The following COL23A1 variants were observed in gnomAD, a reference collection of about 807,000 sequenced individuals.
COL23A1 encodes collagen alpha-1(XXIII) chain.
COL23A1 carries 97 observed loss-of-function variants against 99.3 expected under a neutral mutation model. The ratio of observed to expected loss-of-function variants is 0.98; its 90% CI spans 0.83 to 1.16. The LOEUF is 1.16. COL23A1 is among the 50% of genes most tolerant of loss of function. COL23A1 has a pLI of 0.00. For missense variants in COL23A1, 762 were observed against 757.4 expected (o/e 1.01, Z -0.07); for synonymous variants, 320 against 308.2 (o/e 1.04, Z -0.40).
intron 2 of COL23A1, among the ~76,000 whole-genome samples, chr5:178,470,536 T>C (rs1458795902): frequency 2.0e-5 from 3 of 151,752 alleles, no homozygotes; most frequent in South Asian, 4.2e-4. Context: ...GCAGGAAGAC[T>C]GGGAAGGTCT....
chr5:178,454,463 G>A (rs1275974149), intron 2 of COL23A1, among the ~76,000 whole-genome samples: 2 of 152,184 alleles, frequency 1.3e-5, no homozygotes, highest in African/African-American at 4.8e-5. Context: ...GGTGATGCCA[G>A]GTGGGTGGGG....
At chr5:178,241,563 G>A (rs931585501) in intron 27 of COL23A1, among the ~76,000 whole-genome samples, 3 of 152,320 alleles carry the variant, frequency 2.0e-5, no homozygotes, top group Non-Finnish European at 2.9e-5. Context: ...AGACCACAGC[G>A]ATGGGGCTGG....
At chr5:178,512,914 C>G (rs948467599) in intron 2 of COL23A1, among the ~76,000 whole-genome samples, 9 of 152,150 alleles carry the variant, frequency 5.9e-5, no homozygotes, top group Non-Finnish European at 1.0e-4. Context: ...AGGGAAGTAC[C>G]CAGGGTCATG....
intron 2 of COL23A1, among the ~76,000 whole-genome samples, chr5:178,323,544 G>T (rs1759465524): frequency 6.6e-6 from 1 of 152,114 alleles, no homozygotes; most frequent in South Asian, 2.1e-4. Context: ...GGTCCTTCCT[G>T]GGGAGAGGCT....
At chr5:178,497,133 GCTAC>G (rs1255373571) in intron 2 of COL23A1, among the ~76,000 whole-genome samples, 1 of 152,120 alleles carries the variant, frequency 6.6e-6, no homozygotes, top group Non-Finnish European at 1.5e-5. Context: ...AGTCAGTACT[GCTAC>G]CAAAAGAAGC....
At chr5:178,541,175 C>T (rs1367394554) in intron 2 of COL23A1, among the ~76,000 whole-genome samples, 2 of 152,132 alleles carry the variant, frequency 1.3e-5, no homozygotes, top group Admixed American at 6.5e-5. Context: ...GATCCAAAAA[C>T]AGACCTACAA....
chr5:178,304,176 G>A (rs1056802880), intron 3 of COL23A1, among the ~76,000 whole-genome samples: 1 of 152,156 alleles, frequency 6.6e-6, no homozygotes, highest in Non-Finnish European at 1.5e-5. Flanking sequence ...AGCGGCCTCA[G>A]GGAGGAATCC....
chr5:178,308,816 G>C lies in COL23A1; in HGVS notation c.362-1897C>G, dbSNP rs1462488634. ...ACTAAGCCCCAGGTTTGGGGGGCAG[G>C]TCAGCACTCTCGGGGGGGGCTTTCC... On this transcript the variant is annotated intron_variant, in intron 2 of 28. Coordinates refer to ENST00000390654, the MANE Select transcript of COL23A1 (RefSeq NM_173465.4). The surrounding 1 kb of genome is among the most constrained non-coding windows in gnomAD (Gnocchi z 5.1). 8.6e-6 allele frequency among the ~76,000 whole-genome samples: 1 copy of C among 116,740 alleles called. No homozygotes were observed. The highest frequency in any genetic ancestry group is 3.3e-5 in the African/African-American group (1 of 30,728). The allele number at this position is 116,740 out of a possible 152,430, so 76.6% of individuals were successfully genotyped here.
Position 178,321,190 on chromosome 5 carries a change from C to T in COL23A1, c.362-14271G>A, listed in dbSNP as rs191616534. Among the ~76,000 whole-genome samples, 53 of 152,322 alleles carry T rather than the reference C, an allele frequency of 3.5e-4. 2 individuals carry two copies. Among genetic ancestry groups the T allele is most frequent in the African/African-American group, 9.4e-4 (39 of 41,560 alleles). ...AACCATTCTTGAGTGGACGGTTGAG[C>T]GGCATCAAGCACAGTCACGCTGTTG... is the stretch of plus-strand genomic sequence containing the variant. On this transcript the variant is annotated intron_variant, in intron 2 of 28. Transcript: ENST00000390654.
At chr5:178,374,618 G>A (rs1372944372) in intron 2 of COL23A1, among the ~76,000 whole-genome samples, 1 of 152,222 alleles carries the variant, frequency 6.6e-6, no homozygotes, top group Non-Finnish European at 1.5e-5. Flanking sequence ...GTTTAGATGA[G>A]TGAAGGTGTT....
At position 178,246,436 on chromosome 5, in the gene COL23A1, C is replaced by T. The variant is rs756064169; in HGVS notation, c.1314G>A (p.Lys438=). 38 of 1,574,030 alleles carry T rather than the reference C, an allele frequency of 2.4e-5. No individual in the cohort carries two copies. The highest frequency in any genetic ancestry group is 3.0e-5 in the Non-Finnish European group (35 of 1,158,836). Residue 438 remains lysine (K), a synonymous_variant, in exon 23 of 29, where the codon AAG becomes AAA. Coordinates refer to ENST00000390654, the MANE Select transcript of COL23A1 (RefSeq NM_173465.4). ...IQGPKGLDGA[K]GEKGASGERG... is the part of the protein sequence containing the mutation. Reference sequence around the variant, plus strand: ...TCTCACCCGACGCACCCTTCTCTCCCTTTGCTCCATCCAAGCCCTGGAGGC... The same window carrying T: ...TCTCACCCGACGCACCCTTCTCTCCTTTTGCTCCATCCAAGCCCTGGAGGC...
chr5:178,274,747 C>T (rs1449342921), intron 5 of COL23A1, among the ~76,000 whole-genome samples: 1 of 152,224 alleles, frequency 6.6e-6, no homozygotes, highest in Non-Finnish European at 1.5e-5. Flanking sequence ...CTCAGCCTTG[C>T]AGGGCCCAGG....
At position 178,521,322 on chromosome 5, in the gene COL23A1, G is replaced by A. The variant is rs561639598; in HGVS notation, c.361+39360C>T. Among the ~76,000 whole-genome samples, 6 of 152,296 alleles carry A rather than the reference G, an allele frequency of 3.9e-5. No homozygotes were observed. In the East Asian group the frequency reaches 9.7e-4, roughly 25 times the overall value. ...TAATCCCAGCACTTTGGGAGGCCAA[G>A]GCAGGTGGATCACGAGGTCAGGAGA... On this transcript the variant is annotated intron_variant, in intron 2 of 28. Transcript: ENST00000390654.
rs888880830 is a variant in COL23A1, at chr5:178,589,957, G to A, written c.241C>T (p.Pro81Ser). ...ERELLRRAGP[P>S]GALDAWAEPH... is the part of the protein sequence containing the mutation. ...TCGGCCCAGGCGTCCAGGGCGCCTGGCGGCCCCGCGCGCCGCAGCAGCTCC... is the reference window on the plus strand; with the variant it reads ...TCGGCCCAGGCGTCCAGGGCGCCTGACGGCCCCGCGCGCCGCAGCAGCTCC... Residue 81 changes from proline (P) to serine (S), a missense_variant, in exon 1 of 29, where the codon CCA becomes TCA. By Grantham distance (74) the Pro-to-Ser change is moderately conservative. Coordinates refer to ENST00000390654, the MANE Select transcript of COL23A1 (RefSeq NM_173465.4). This position sits in a 1 kb window ranked among gnomAD's most constrained non-coding sequence, Gnocchi z 5.4. The A allele has an allele frequency of 2.2e-5, 29 of 1,327,106 alleles. No homozygotes were observed. The Middle Eastern group carries it at 1.1e-3, about 52-fold the overall frequency. 82.2% of individuals were successfully genotyped at this position (1,327,106 alleles called of 1,614,324 possible). A position where few individuals can be genotyped will look rare whatever the true frequency, so the allele number is the denominator to read the frequency against.
chr5:178,272,313 C>T (rs1380335781), intron 5 of COL23A1, among the ~76,000 whole-genome samples: 4 of 152,222 alleles, frequency 2.6e-5, no homozygotes, highest in Admixed American at 1.3e-4. Flanking sequence ...CAGACTGCCT[C>T]GTATGGAGAT....
At position 178,247,785 on chromosome 5, in the gene COL23A1, G is replaced by GGGGGGCCAGGGGGGCCA; in HGVS notation, c.1242_1258dup (p.Pro420LeufsTer66). ...GCAAACCGTCCTTACCATCGGGCCTGGGGGGCCAGGGGGGCCAGGGGGCCC... is the reference window on the plus strand; with the variant it reads ...GCAAACCGTCCTTACCATCGGGCCTGGGGGGCCAGGGGGGCCAGGGGGCCAGGGGGGCCAGGGGGCCC... On this transcript the variant is annotated frameshift_variant, in exon 21 of 29. Coordinates refer to ENST00000390654, the MANE Select transcript of COL23A1 (RefSeq NM_173465.4). LOFTEE classifies it high-confidence loss of function. 6.2e-7 allele frequency: 1 copy of GGGGGGCCAGGGGGGCCA among 1,610,582 alleles called. No individual in the cohort carries two copies. Among genetic ancestry groups the GGGGGGCCAGGGGGGCCA allele is most frequent in the South Asian group, 1.1e-5 (1 of 90,594 alleles).
chr5:178,445,833 A>C (rs1266620730), intron 2 of COL23A1, among the ~76,000 whole-genome samples: 2 of 152,122 alleles, frequency 1.3e-5, no homozygotes, highest in Admixed American at 1.3e-4. Flanking sequence ...AAAAAGATTA[A>C]GTGAAATTGA....
intron 2 of COL23A1, among the ~76,000 whole-genome samples, chr5:178,406,241 T>C (rs1764756697): frequency 6.6e-6 from 1 of 151,884 alleles, no homozygotes; most frequent in African/African-American, 2.4e-5. Context: ...GTAAATTCAA[T>C]AAGAAATCAA....
intron 2 of COL23A1, among the ~76,000 whole-genome samples, chr5:178,485,621 A>C (rs1757582572): frequency 6.6e-6 from 1 of 152,038 alleles, no homozygotes; most frequent in Non-Finnish European, 1.5e-5. Flanking sequence ...AAAAATACAA[A>C]AAAATAAAGT....
Sources: gnomAD v4.1 joint callset for allele counts (sites outside exome capture counted in the v4.1 genomes callset) on GRCh38, gnomAD v4.1.1 for gene constraint, Gnocchi (gnomAD v3.1) non-coding constraint, MANE v1.5 for transcripts, NCBI Gene and HGNC (gene_info 2026-07-23, HGNC 2026-07-21) for gene names.